The following PTPRD variants were observed in gnomAD, a reference collection of about 807,000 sequenced individuals.
The protein encoded by PTPRD is protein tyrosine phosphatase receptor type D, also known as receptor-type tyrosine-protein phosphatase delta.
PTPRD carries 34 observed loss-of-function variants against 214.5 expected under a neutral mutation model. That is an observed-to-expected ratio of 0.16 (90% CI 0.12 to 0.21). The LOEUF (loss-of-function observed/expected upper bound fraction) is 0.21. PTPRD is among the 10% of genes least tolerant of loss of function. The pLI, the probability that PTPRD is intolerant of heterozygous loss-of-function variation, is 1.00. For synonymous variants in PTPRD, 1,128 were observed against 845.7 expected (o/e 1.33, Z -5.79); for missense variants, 2,545 against 2,398.7 (o/e 1.06, Z -1.27).
intron 11 of PTPRD, among the ~76,000 whole-genome samples, chr9:8,791,832 A>G (rs144638735): frequency 1.3e-5 from 2 of 152,138 alleles, no homozygotes; most frequent in Non-Finnish European, 2.9e-5. Context: ...CAGGTGTTTT[A>G]ACTTAGGGAA....
intron 11 of PTPRD, among the ~76,000 whole-genome samples, chr9:8,841,771 G>A (rs977251260): frequency 6.6e-6 from 1 of 151,796 alleles, no homozygotes; most frequent in Non-Finnish European, 1.5e-5. Flanking sequence ...CAGCACTTTG[G>A]GAGGCCAAGG....
intron 12 of PTPRD, among the ~76,000 whole-genome samples, chr9:8,688,250 G>A (rs565066110): frequency 6.6e-6 from 1 of 152,176 alleles, no homozygotes; most frequent in African/African-American, 2.4e-5. Flanking sequence ...TGAATACACT[G>A]AGTTATCCAG....
intron 2 of PTPRD, among the ~76,000 whole-genome samples, chr9:10,498,230 G>C (rs2042676109): frequency 6.6e-6 from 1 of 151,860 alleles, no homozygotes; most frequent in Admixed American, 6.6e-5. Flanking sequence ...TTTAAAGAAA[G>C]GAGTCTCAAT....
At chr9:9,828,501 T>C (rs1171010323) in intron 5 of PTPRD, among the ~76,000 whole-genome samples, 2 of 151,956 alleles carry the variant, frequency 1.3e-5, no homozygotes, top group African/African-American at 4.8e-5. Context: ...GGGTCTGTTG[T>C]GAGGTGTGGG....
At chr9:10,135,987 A>G (rs1317570551) in intron 3 of PTPRD, among the ~76,000 whole-genome samples, 2 of 151,634 alleles carry the variant, frequency 1.3e-5, no homozygotes, top group African/African-American at 4.9e-5. Flanking sequence ...CCTTCAAGAG[A>G]CCCACGTCAT....
chr9:10,238,675 G>C (rs10217805), intron 3 of PTPRD, among the ~76,000 whole-genome samples: 20 of 151,714 alleles, frequency 1.3e-4, no homozygotes, highest in Admixed American at 9.2e-4. Context: ...ATGCAGATAT[G>C]AAAATCCTAT....
chr9:10,190,411 A>AC (rs2099358220), intron 3 of PTPRD, among the ~76,000 whole-genome samples: 2 of 89,948 alleles, frequency 2.2e-5, no homozygotes, highest in Non-Finnish European at 2.1e-5. Context: ...AAAAAAAAAA[A>AC]AAAAAAAAAC....
chr9:9,595,312 TATA>T (rs2093217254), intron 7 of PTPRD, among the ~76,000 whole-genome samples: 1 of 81,682 alleles, frequency 1.2e-5, no homozygotes, highest in Non-Finnish European at 3.6e-5. Context: ...ATATATATAT[TATA>T]TATATTTTAT....
intron 6 of PTPRD, among the ~76,000 whole-genome samples, chr9:9,741,640 G>C (rs111859834): frequency 2.7e-4 from 41 of 152,088 alleles, no homozygotes; most frequent in Non-Finnish European, 5.0e-4. Context: ...AGTGTGTGAT[G>C]TTCGCCTCCC....
intron 8 of PTPRD, among the ~76,000 whole-genome samples, chr9:9,527,677 T>C (rs1055067291): frequency 2.0e-5 from 3 of 152,190 alleles, no homozygotes; most frequent in African/African-American, 7.2e-5. Flanking sequence ...TCCTTAGTCA[T>C]TTTTATTTCT....
chr9:9,660,132 T>G (rs1447512627), intron 7 of PTPRD, among the ~76,000 whole-genome samples: 1 of 152,082 alleles, frequency 6.6e-6, no homozygotes, highest in Non-Finnish European at 1.5e-5. Flanking sequence ...ACAGTATTTT[T>G]GCACTTCAAA....
chr9:8,570,353 C>T (rs959444249), intron 14 of PTPRD, among the ~76,000 whole-genome samples: 8 of 152,120 alleles, frequency 5.3e-5, no homozygotes, highest in Admixed American at 2.6e-4. Context: ...TAAGCCACCA[C>T]CTACTGTTAA....
chr9:10,523,577 A>T (rs1461730973), intron 2 of PTPRD, among the ~76,000 whole-genome samples: 1 of 122,292 alleles, frequency 8.2e-6, no homozygotes, highest in Non-Finnish European at 1.8e-5. Context: ...AAATACCCCC[A>T]ATATTTTTCA....
intron 3 of PTPRD, among the ~76,000 whole-genome samples, chr9:10,055,720 G>A (rs1316713377): frequency 1.3e-5 from 2 of 151,834 alleles, no homozygotes; most frequent in African/African-American, 2.4e-5. Context: ...ACCCATCTTT[G>A]CAAAGAGGGC....
At chr9:8,541,045 A>C (rs1174583830) in intron 14 of PTPRD, among the ~76,000 whole-genome samples, 1 of 152,190 alleles carries the variant, frequency 6.6e-6, no homozygotes, top group African/African-American at 2.4e-5. Flanking sequence ...TCACATATAA[A>C]ATGTTTCACT....
At chr9:8,386,686 G>A (rs1430049711) in intron 37 of PTPRD, among the ~76,000 whole-genome samples, 1 of 152,170 alleles carries the variant, frequency 6.6e-6, no homozygotes, top group Non-Finnish European at 1.5e-5. Flanking sequence ...CGTTCCTGAA[G>A]TCTGGAGCTA....
chr9:10,154,544 A>G (rs998929606), intron 3 of PTPRD, among the ~76,000 whole-genome samples: 3 of 152,126 alleles, frequency 2.0e-5, no homozygotes, highest in African/African-American at 7.2e-5. Flanking sequence ...ACCCATTCCT[A>G]AACCCAGAAT....
intron 3 of PTPRD, among the ~76,000 whole-genome samples, chr9:10,276,063 G>C (rs1163939016): frequency 1.1e-4 from 16 of 152,178 alleles, no homozygotes; most frequent in Non-Finnish European, 7.3e-5. Flanking sequence ...GTTTAGCACA[G>C]GATTGCTGGA....
intron 35 of PTPRD, among the ~76,000 whole-genome samples, chr9:8,428,677 G>C (rs939405621): frequency 1.4e-4 from 22 of 152,142 alleles, no homozygotes; most frequent in African/African-American, 4.6e-4. Flanking sequence ...AAAAAATTGT[G>C]TGTGTGTGTA....
Sources: gnomAD v4.1 joint callset for allele counts (sites outside exome capture counted in the v4.1 genomes callset) on GRCh38, gnomAD v4.1.1 for gene constraint, MANE v1.5 for transcripts, NCBI Gene and HGNC (gene_info 2026-07-23, HGNC 2026-07-21) for gene names.